ZDHHC11: variants seen among roughly 807,000 people sequenced by gnomAD.
The protein encoded by ZDHHC11 is zDHHC palmitoyltransferase 11.
A neutral mutation model predicts 51.3 loss-of-function variants in ZDHHC11; 44 were observed. That is an observed-to-expected ratio of 0.86 (90% CI 0.67 to 1.10). ZDHHC11 has a LOEUF of 1.10. Ranked by LOEUF, ZDHHC11 falls within the 50% of genes least tolerant of loss-of-function variation. ZDHHC11 has a pLI of 0.00. For synonymous variants in ZDHHC11, 163 were observed against 222.0 expected (o/e 0.73, Z 2.36); for missense variants, 400 against 537.7 (o/e 0.74, Z 2.53).
rs200880207 is a variant in ZDHHC11, at chr5:850,471, C to T, written c.132G>A (p.Val44=). 40 of 1,613,652 alleles carry T rather than the reference C, an allele frequency of 2.5e-5. 1 individual carries two copies. The East Asian group carries it at 8.7e-4, about 35-fold the overall frequency. The change falls in exon 1 of 13, where the codon GTG becomes GTA. Residue 44 remains valine, a synonymous_variant. Coordinates refer to ENST00000283441, the MANE Select transcript of ZDHHC11 (RefSeq NM_024786.3). The part of the protein sequence containing the change: ...WSLPLHYFQV[V]TWAVFVGLSS... Reference sequence around the variant, plus strand: ...AAAGGCCCACGAAGACAGCCCAGGTCACCACCTGGAAGTAGTGCAGGGGTA... The same window carrying T: ...AAAGGCCCACGAAGACAGCCCAGGTTACCACCTGGAAGTAGTGCAGGGGTA...
At chr5:833,923 C>A (rs1743406914) in intron 6 of ZDHHC11, 116 bp from the exon 7 acceptor site, 3 of 977,660 alleles carry the variant, frequency 3.1e-6, no homozygotes, top group Non-Finnish European at 3.1e-6. Context: ...ACCTGGAGTT[C>A]TCTTGGGTCC....
chr5:806,937 C>G (rs1027400229), intron 11 of ZDHHC11, among the ~76,000 whole-genome samples: 2 of 151,078 alleles, frequency 1.3e-5, no homozygotes, highest in African/African-American at 4.9e-5. Context: ...AAACAGTGGC[C>G]TTATCTCTGA....
intron 1 of ZDHHC11, among the ~76,000 whole-genome samples, chr5:856,565 GCACCACA>G (rs928341592): frequency 4.9e-5 from 7 of 141,884 alleles, no homozygotes; most frequent in African/African-American, 1.3e-4. Flanking sequence ...CACCACACAT[GCACCACA>G]CACCACACAA....
At chr5:799,971 T>G (rs1345382128) in intron 12 of ZDHHC11, among the ~76,000 whole-genome samples, 1 of 150,972 alleles carries the variant, frequency 6.6e-6, no homozygotes, top group Admixed American at 6.6e-5. Context: ...CTCAAACACT[T>G]TTTTTTCTAG....
chr5:833,817 A>T lies in ZDHHC11; in HGVS notation c.901-10T>A, dbSNP rs745958388. 6.4e-7 allele frequency: 1 copy of T among 1,557,824 alleles called. No homozygotes were observed. Among genetic ancestry groups the T allele is most frequent in the East Asian group, 2.2e-5 (1 of 44,776 alleles). On this transcript the variant is annotated splice_polypyrimidine_tract_variant and intron_variant, in intron 6 of 12. Coordinates refer to ENST00000283441, the MANE Select transcript of ZDHHC11 (RefSeq NM_024786.3). ...GGGCGCCAGCTCCTTGCTGTGGGGC[A>T]AAAGAAAATTCGTCACATGAAAAAA...
chr5:824,016 G>A (rs1374227333), intron 8 of ZDHHC11: 2 of 453,962 alleles, frequency 4.4e-6, no homozygotes, highest in African/African-American at 2.0e-5. Context: ...TGTTCCTCCA[G>A]GCTGGGCTGA....
At chr5:829,653 C>T (rs1247306890) in intron 7 of ZDHHC11, among the ~76,000 whole-genome samples, 1 of 151,444 alleles carries the variant, frequency 6.6e-6, no homozygotes, top group African/African-American at 2.4e-5. Context: ...GCCAGTATCA[C>T]CTTAATACCC....
chr5:803,842 G>T (rs1304767336), intron 11 of ZDHHC11, among the ~76,000 whole-genome samples: 3 of 150,056 alleles, frequency 2.0e-5, no homozygotes, highest in African/African-American at 4.9e-5. Flanking sequence ...ACTGGAGCTG[G>T]AAAGTACATA....
intron 7 of ZDHHC11, among the ~76,000 whole-genome samples, chr5:831,055 C>T (rs1021225151): frequency 3.3e-5 from 5 of 149,412 alleles, no homozygotes; most frequent in South Asian, 2.1e-4. Flanking sequence ...GCATTGACTT[C>T]GGCAAAGAGC....
At chr5:815,862 G>T (rs899521503) in intron 10 of ZDHHC11, among the ~76,000 whole-genome samples, 1 of 151,484 alleles carries the variant, frequency 6.6e-6, no homozygotes, top group Non-Finnish European at 1.5e-5. Flanking sequence ...TGCCTCCTTG[G>T]ACTCCCAAAG....
intron 7 of ZDHHC11, 125 bp from the exon 8 acceptor site, chr5:825,376 G>A: frequency 1.0e-6 from 1 of 968,238 alleles, no homozygotes; most frequent in Non-Finnish European, 1.6e-6. Context: ...TCAGAAACTT[G>A]TAGACCAGCA....
chr5:840,222 G>A (rs1208770783), intron 5 of ZDHHC11: 1 of 704,922 alleles, frequency 1.4e-6, no homozygotes, highest in East Asian at 2.7e-5. Context: ...CAAGCACCTG[G>A]CACCACTCCT....
intron 11 of ZDHHC11, among the ~76,000 whole-genome samples, chr5:814,493 G>C (rs191121622): frequency 6.6e-6 from 1 of 151,360 alleles, no homozygotes; most frequent in Non-Finnish European, 1.5e-5. Flanking sequence ...AACATTACAC[G>C]TGTTTAAAGA....
At chr5:858,308 C>CGT (rs879299740) in intron 1 of ZDHHC11, among the ~76,000 whole-genome samples, 9,757 of 63,196 alleles carry the variant, frequency 0.15, 318 homozygotes, top group African/African-American at 0.38. Flanking sequence ...CAGGTCCCAA[C>CGT]CCTGTCTTTA....
At chr5:816,344 A>T (rs1419476200) in intron 10 of ZDHHC11, 1 of 349,650 alleles carries the variant, frequency 2.9e-6, no homozygotes, top group African/African-American at 2.2e-5. Context: ...AGAGGCGGAC[A>T]GATGGCGGCA....
In ZDHHC11 at chr5:850,572, C is replaced by A. The variant is rs150354646; in HGVS notation, c.31G>T (p.Val11Phe). 2,689 of 1,613,458 alleles carry A rather than the reference C, an allele frequency of 1.7e-3. 42 individuals are homozygous for A. The African/African-American group carries it at 0.03, about 18-fold the overall frequency. The stretch of plus-strand genomic sequence containing the variant: ...TTATTGAGTATGGCTTCTGGGGTGA[C>A]GGAACACTGGCTCCCGGAGCGGGTG... Reference protein sequence around the residue: MDTRSGSQCSVTPEAILNNEK... With the variant: MDTRSGSQCSFTPEAILNNEK... The change falls in exon 1 of 13, where the codon GTC becomes TTC. Residue 11 changes from valine (V) to phenylalanine (F), a missense_variant. Val to Phe is a conservative substitution (Grantham distance 50). Transcript: ENST00000283441.
intron 7 of ZDHHC11, among the ~76,000 whole-genome samples, chr5:827,322 A>T (rs145118292): frequency 0.14 from 21,256 of 147,766 alleles, 951 homozygotes; most frequent in African/African-American, 0.23. Flanking sequence ...AACACAAATT[A>T]AAAAACCAAG....
chr5:841,026 C>A, intron 4 of ZDHHC11: 1 of 1,168,274 alleles, frequency 8.6e-7, no homozygotes, highest in Admixed American at 4.3e-5. Flanking sequence ...CCCCCTTCCT[C>A]ACTAAGTGCC....
At chr5:843,089 A>G (rs1286498188) in intron 4 of ZDHHC11, among the ~76,000 whole-genome samples, 1 of 152,282 alleles carries the variant, frequency 6.6e-6, no homozygotes, top group African/African-American at 2.4e-5. Flanking sequence ...CCTCACCGCC[A>G]CGTCTCTCCA....
Sources: gnomAD v4.1 joint callset for allele counts (sites outside exome capture counted in the v4.1 genomes callset) on GRCh38, gnomAD v4.1.1 for gene constraint, MANE v1.5 for transcripts, NCBI Gene and HGNC (gene_info 2026-07-23, HGNC 2026-07-21) for gene names.